The following TRHDE variants were observed in gnomAD, a reference collection of about 807,000 sequenced individuals.
TRHDE encodes the protein thyrotropin-releasing hormone-degrading ectoenzyme.
In TRHDE, 72 loss-of-function variants were observed where a neutral mutation model predicts 125.7. The observed-to-expected ratio is 0.57, with a 90% CI of 0.47 to 0.70. The LOEUF is 0.70. Ranked by LOEUF, TRHDE falls within the 30% of genes least tolerant of loss-of-function variation. The pLI is 0.00. For missense variants in TRHDE, 1,110 were observed against 1,327.1 expected (o/e 0.84, Z 2.54); for synonymous variants, 509 against 509.1 (o/e 1.00, Z 0.00).
In TRHDE at chr12:72,663,695, CAG is replaced by C. The variant is rs1875007601; in HGVS notation, c.*502_*503del. On this transcript the variant is annotated 3_prime_UTR_variant, in exon 19 of 19. Transcript: ENST00000261180. Reference sequence around the variant, plus strand: ...ATTGCAATGAAAGAAAAACTAAAAACAGAAATGATATTCTCAATTTTGGGCAA... The same window carrying C: ...ATTGCAATGAAAGAAAAACTAAAAACAAATGATATTCTCAATTTTGGGCAA... 6.6e-6 allele frequency: 1 copy of C among 152,436 alleles called. No homozygotes were observed. The highest frequency in any genetic ancestry group is 6.6e-5 in the Admixed American group (1 of 15,242). 9.4% of individuals were successfully genotyped at this position (152,436 alleles called of 1,614,324 possible).
intron 6 of TRHDE, among the ~76,000 whole-genome samples, chr12:72,539,085 C>T (rs1869014198): frequency 6.6e-6 from 1 of 151,862 alleles, no homozygotes; most frequent in Non-Finnish European, 1.5e-5. Flanking sequence ...TTTATCTTAA[C>T]TCATGGAACC....
chr12:72,458,946 G>C (rs1875999590), intron 3 of TRHDE, among the ~76,000 whole-genome samples: 1 of 152,156 alleles, frequency 6.6e-6, no homozygotes, highest in Non-Finnish European at 1.5e-5. Context: ...CCCTATTGAT[G>C]CGATAATAAA....
chr12:72,223,408 G>C (rs1878039242), intron 2 of TRHDE, among the ~76,000 whole-genome samples: 1 of 152,050 alleles, frequency 6.6e-6, no homozygotes, highest in Admixed American at 6.6e-5. Flanking sequence ...GTTATTCATA[G>C]TTAACTTAAA....
chr12:72,425,845 C>T (rs1028478396), intron 3 of TRHDE, among the ~76,000 whole-genome samples: 1 of 151,900 alleles, frequency 6.6e-6, no homozygotes, highest in Admixed American at 6.6e-5. Flanking sequence ...TTGTAGTTAA[C>T]AACAGCAGCA....
chr12:72,592,776 T>C (rs959934541), intron 12 of TRHDE, among the ~76,000 whole-genome samples: 1 of 151,894 alleles, frequency 6.6e-6, no homozygotes, highest in Non-Finnish European at 1.5e-5. Context: ...AGTGGTGCGA[T>C]CTCGGCTCAC....
intron 15 of TRHDE, among the ~76,000 whole-genome samples, chr12:72,621,956 A>T (rs186784193): frequency 1.3e-5 from 2 of 152,304 alleles, no homozygotes; most frequent in East Asian, 3.9e-4. Context: ...CATTGACTTT[A>T]TGCTAACTTT....
At chr12:72,533,723 G>GTTTTTTTTTTTTTTTTTT in intron 6 of TRHDE, among the ~76,000 whole-genome samples, 3 of 97,894 alleles carry the variant, frequency 3.1e-5, no homozygotes, top group Non-Finnish European at 4.6e-5. Flanking sequence ...TTTTCTATTT[G>GTTTTTTTTTTTTTTTTTT]TTTTTTTTTT....
chr12:72,424,354 C>A (rs185118457), intron 3 of TRHDE, among the ~76,000 whole-genome samples: 1 of 152,186 alleles, frequency 6.6e-6, no homozygotes, highest in East Asian at 1.9e-4. Flanking sequence ...TTGGATTAAG[C>A]CCTCACTAAT....
At chr12:72,622,330 G>GTA (rs1873087033) in intron 15 of TRHDE, among the ~76,000 whole-genome samples, 3 of 151,954 alleles carry the variant, frequency 2.0e-5, no homozygotes. Context: ...AAAATACTGT[G>GTA]CTAAATGTCA....
intron 2 of TRHDE, among the ~76,000 whole-genome samples, chr12:72,175,126 A>T (rs989599451): frequency 6.6e-6 from 1 of 152,188 alleles, no homozygotes; most frequent in Non-Finnish European, 1.5e-5. Flanking sequence ...TTGAAACTTT[A>T]TGCTCAGTGA....
chr12:72,378,909 G>A (rs1011653654), intron 3 of TRHDE, among the ~76,000 whole-genome samples: 23 of 152,286 alleles, frequency 1.5e-4, no homozygotes, highest in African/African-American at 5.1e-4. Context: ...GAAGTTAAAA[G>A]AGTACCTACA....
chr12:72,318,330 T>C (rs116222574), intron 2 of TRHDE, among the ~76,000 whole-genome samples: 2,339 of 152,276 alleles, frequency 0.015, 58 homozygotes, highest in African/African-American at 0.054. Flanking sequence ...ACATCGTATC[T>C]AGAAGGAAGG....
intron 3 of TRHDE, among the ~76,000 whole-genome samples, chr12:72,442,578 A>G (rs570648427): frequency 6.6e-6 from 1 of 151,580 alleles, no homozygotes; most frequent in Admixed American, 6.6e-5. Context: ...TGATAGCACT[A>G]CCTCCTGTTT....
chr12:72,104,871 G>C (rs767340178), intron 1 of TRHDE, among the ~76,000 whole-genome samples: 2 of 152,180 alleles, frequency 1.3e-5, no homozygotes, highest in Non-Finnish European at 2.9e-5. Flanking sequence ...CCAAGAAGTA[G>C]AGCATCCATA....
At chr12:72,098,074 A>G (rs948892951) in intron 1 of TRHDE, among the ~76,000 whole-genome samples, 4 of 151,820 alleles carry the variant, frequency 2.6e-5, no homozygotes, top group African/African-American at 9.7e-5. Context: ...ATAGAGATGA[A>G]GTCTCACTAT....
intron 15 of TRHDE, among the ~76,000 whole-genome samples, chr12:72,642,051 A>G (rs1240229886): frequency 6.6e-6 from 1 of 152,186 alleles, no homozygotes; most frequent in African/African-American, 2.4e-5. Flanking sequence ...TGAGAATGCA[A>G]GAAGTCAGCA....
At chr12:72,108,876 A>G (rs1875249832) in intron 2 of TRHDE, among the ~76,000 whole-genome samples, 1 of 152,088 alleles carries the variant, frequency 6.6e-6, no homozygotes, top group Non-Finnish European at 1.5e-5. Context: ...GAAGAAAATC[A>G]CAGCTTTGTG....
At chr12:72,381,531 G>C (rs1008464662) in intron 3 of TRHDE, among the ~76,000 whole-genome samples, 5 of 150,904 alleles carry the variant, frequency 3.3e-5, no homozygotes, top group Non-Finnish European at 5.9e-5. Flanking sequence ...AAGTAGCTGG[G>C]ACTACAGGCG....
intron 3 of TRHDE, among the ~76,000 whole-genome samples, chr12:72,448,571 C>G (rs959061676): frequency 6.6e-6 from 1 of 151,688 alleles, no homozygotes; most frequent in Non-Finnish European, 1.5e-5. Context: ...ATATTAATAC[C>G]GAATTCATTT....
Sources: gnomAD v4.1 joint callset for allele counts (sites outside exome capture counted in the v4.1 genomes callset) on GRCh38, gnomAD v4.1.1 for gene constraint, MANE v1.5 for transcripts, NCBI Gene and HGNC (gene_info 2026-07-23, HGNC 2026-07-21) for gene names.